The following SLC22A23 variants were observed in gnomAD, a reference collection of about 807,000 sequenced individuals.
SLC22A23 encodes the protein solute carrier family 22 member 23.
In SLC22A23, 26 loss-of-function variants were observed where a neutral mutation model predicts 61.0. The observed-to-expected ratio is 0.43, with a 90% CI of 0.31 to 0.59. SLC22A23 has a LOEUF of 0.59. Ranked by LOEUF, SLC22A23 falls within the 20% of genes least tolerant of loss-of-function variation. SLC22A23 has a pLI of 0.11. For synonymous variants in SLC22A23, 430 were observed against 413.9 expected (o/e 1.04, Z -0.47); for missense variants, 796 against 934.7 (o/e 0.85, Z 1.94).
At chr6:3,289,037 G>A (rs893722144) in intron 6 of SLC22A23, among the ~76,000 whole-genome samples, 4 of 152,232 alleles carry the variant, frequency 2.6e-5, no homozygotes, top group African/African-American at 9.6e-5. Context: ...ACAAATGAGT[G>A]CAACACCCCA....
rs1769567324 is a variant in SLC22A23 at position 3,414,839 on chromosome 6, G to A, written c.758+913C>T. On this transcript the variant is annotated intron_variant, in intron 2 of 9. Coordinates refer to ENST00000406686, the MANE Select transcript of SLC22A23 (RefSeq NM_015482.2). This position sits in a 1 kb window ranked among gnomAD's most constrained non-coding sequence, Gnocchi z 5.1. The stretch of plus-strand genomic sequence containing the variant: ...TACTTGAAAAACCTGTCAACATTGT[G>A]CAACTGCCTCCCTGCTTAGACACCT... Among the ~76,000 whole-genome samples the A allele has an allele frequency of 6.6e-6, 1 of 151,700 alleles. No homozygotes were observed. The highest frequency in any genetic ancestry group is 1.5e-5 in the Non-Finnish European group (1 of 67,994).
chr6:3,300,615 T>G (rs988141746), intron 4 of SLC22A23, among the ~76,000 whole-genome samples: 9 of 152,250 alleles, frequency 5.9e-5, no homozygotes, highest in African/African-American at 2.2e-4. Context: ...CTGTTGTTTA[T>G]AAATCATCCA....
Position 3,324,519 on chromosome 6 carries a change from T to C in SLC22A23, c.914-517A>G, listed in dbSNP as rs1177474091. ...CTTCTGGTTCTCACTCCAGGGCTCC[T>C]TGAGCACTCCGAGTTCCAGGCAACC... On this transcript the variant is annotated intron_variant, in intron 3 of 9. Transcript: ENST00000406686. The surrounding 1 kb of genome is among the most constrained non-coding windows in gnomAD (Gnocchi z 4.3). Among the ~76,000 whole-genome samples, 1 of 152,164 alleles carries C rather than the reference T, an allele frequency of 6.6e-6. No homozygotes were observed. The highest frequency in any genetic ancestry group is 1.5e-5 in the Non-Finnish European group (1 of 68,032).
At chr6:3,315,631 C>T (rs769333968) in intron 4 of SLC22A23, among the ~76,000 whole-genome samples, 5 of 151,968 alleles carry the variant, frequency 3.3e-5, no homozygotes, top group South Asian at 2.1e-4. Context: ...TTTGGGAGGC[C>T]GAGGCAGGCG....
At chr6:3,421,517 G>A (rs528668057) in intron 1 of SLC22A23, among the ~76,000 whole-genome samples, 36 of 152,296 alleles carry the variant, frequency 2.4e-4, no homozygotes, top group African/African-American at 8.7e-4. Flanking sequence ...CTTCAGAATG[G>A]AAAAACGGTG....
intron 3 of SLC22A23, among the ~76,000 whole-genome samples, chr6:3,396,901 C>G (rs1388406176): frequency 6.9e-6 from 1 of 144,036 alleles, no homozygotes; most frequent in Admixed American, 7.0e-5. Context: ...TACACCAAGG[C>G]AAGAACCCCA....
rs1320861304 is a variant in SLC22A23, at chr6:3,273,125, A to G, written c.1991T>C (p.Leu664Pro). ...GTCACCCGCGGCTGCGGCATCGTGG[A>G]GGCCCGAGTAGTCCTTGAGCTCGGC... Reference protein sequence around the residue: ...TNAELKDYSGLHDAAAAGDTL... With the variant: ...TNAELKDYSGPHDAAAAGDTL... Residue 664 changes from leucine to proline, a missense_variant, in exon 10 of 10, where the codon CTC (leucine) becomes CCC (proline). Physicochemically the swap from Leu to Pro is moderately conservative, Grantham distance 98. Transcript: ENST00000406686. 5 of 1,606,200 alleles carry G rather than the reference A, an allele frequency of 3.1e-6. No homozygotes were observed. The highest frequency in any genetic ancestry group is 4.2e-6 in the Non-Finnish European group (5 of 1,177,988).
intron 1 of SLC22A23, among the ~76,000 whole-genome samples, chr6:3,444,268 C>A (rs1420427328): frequency 6.6e-6 from 1 of 152,156 alleles, no homozygotes; most frequent in South Asian, 2.1e-4. Flanking sequence ...AATAGTGACA[C>A]AAAGAACAAA....
chr6:3,367,114 AGT>A (rs778886260), intron 3 of SLC22A23, among the ~76,000 whole-genome samples: 1 of 152,322 alleles, frequency 6.6e-6, no homozygotes, highest in East Asian at 1.9e-4. Context: ...TTTAGAGGGA[AGT>A]GTGTGTGTAT....
intron 1 of SLC22A23, among the ~76,000 whole-genome samples, chr6:3,450,464 G>A (rs1337858404): frequency 1.3e-5 from 2 of 152,084 alleles, no homozygotes; most frequent in South Asian, 4.2e-4. Context: ...AAACCACCAT[G>A]CCCGGCTAAT....
At chr6:3,285,699 T>C (rs1410912191) in intron 7 of SLC22A23, among the ~76,000 whole-genome samples, 1 of 152,150 alleles carries the variant, frequency 6.6e-6, no homozygotes, top group Non-Finnish European at 1.5e-5. Flanking sequence ...CTAACAGCAG[T>C]CTCCCAGCAA....
At chr6:3,446,376 C>T (rs1771896690) in intron 1 of SLC22A23, among the ~76,000 whole-genome samples, 1 of 152,160 alleles carries the variant, frequency 6.6e-6, no homozygotes, top group South Asian at 2.1e-4. Context: ...ATGGCCACGC[C>T]CAGGACAATC....
intron 6 of SLC22A23, among the ~76,000 whole-genome samples, chr6:3,287,490 G>C (rs1171001265): frequency 6.6e-6 from 1 of 152,002 alleles, no homozygotes; most frequent in Non-Finnish European, 1.5e-5. Context: ...AGGGGCAGGG[G>C]GGCAGAGCAG....
intron 6 of SLC22A23, among the ~76,000 whole-genome samples, chr6:3,287,525 A>G (rs1039655909): frequency 2.6e-5 from 4 of 152,138 alleles, no homozygotes; most frequent in African/African-American, 9.7e-5. Flanking sequence ...TCGGCGGGTA[A>G]GCGGCAACTC....
At chr6:3,423,231 T>A (rs1158167677) in intron 1 of SLC22A23, among the ~76,000 whole-genome samples, 1 of 152,158 alleles carries the variant, frequency 6.6e-6, no homozygotes, top group Non-Finnish European at 1.5e-5. Flanking sequence ...AATTACCACC[T>A]GAACACATCC....
At chr6:3,408,521 T>TA (rs1768979924) in intron 3 of SLC22A23, among the ~76,000 whole-genome samples, 1 of 152,198 alleles carries the variant, frequency 6.6e-6, no homozygotes, top group Non-Finnish European at 1.5e-5. Flanking sequence ...AGCCCTTCCC[T>TA]ACCCTCCTTC....
chr6:3,422,051 C>T (rs1377082809), intron 1 of SLC22A23, among the ~76,000 whole-genome samples: 3 of 152,154 alleles, frequency 2.0e-5, no homozygotes, highest in Non-Finnish European at 2.9e-5. Flanking sequence ...TTTTACCAAT[C>T]GCTGTGCACA....
chr6:3,393,176 C>T (rs1443093891), intron 3 of SLC22A23, among the ~76,000 whole-genome samples: 1 of 152,144 alleles, frequency 6.6e-6, no homozygotes. Flanking sequence ...AAGGGAATTC[C>T]ACCTGAGCAG....
intron 3 of SLC22A23, among the ~76,000 whole-genome samples, chr6:3,326,722 CT>C (rs1206291145): frequency 6.6e-6 from 1 of 152,252 alleles, no homozygotes. Context: ...GTATGGCCAT[CT>C]GCAGTTAACT....
Sources: allele counts gnomAD v4.1 joint callset (sites outside exome capture counted in the v4.1 genomes callset), GRCh38; gene constraint gnomAD v4.1.1; non-coding constraint Gnocchi (gnomAD v3.1); transcripts MANE v1.5; gene names NCBI Gene and HGNC (gene_info 2026-07-23, HGNC 2026-07-21).